The following ACVR2A variants were observed in gnomAD, a reference collection of about 807,000 sequenced individuals.
The protein encoded by ACVR2A is activin receptor type-2A.
Under a neutral mutation model 61.4 loss-of-function variants are expected in ACVR2A, and 7 were observed. The ratio of observed to expected loss-of-function variants is 0.11; its 90% CI spans 0.06 to 0.21. The LOEUF (loss-of-function observed/expected upper bound fraction) is 0.21. Among genes scored for constraint, ACVR2A ranks in the 10% least tolerant of loss-of-function variants. ACVR2A has a pLI of 1.00. For missense variants in ACVR2A, 322 were observed against 621.7 expected, an observed-to-expected ratio of 0.52 and a Z score of 5.13; for synonymous variants, 193 against 208.3, an observed-to-expected ratio of 0.93 and a Z score of 0.63.
intron 9 of ACVR2A, 96 bp downstream of exon 9, chr2:147,923,207 T>G (rs1050288616): frequency 4.6e-6 from 6 of 1,299,832 alleles, no homozygotes; most frequent in Admixed American, 5.2e-5. Flanking sequence ...TAAAGTACAG[T>G]TTTTTTTTAA....
intron 5 of ACVR2A, among the ~76,000 whole-genome samples, chr2:147,916,510 G>A (rs1263691003): frequency 6.6e-6 from 1 of 151,818 alleles, no homozygotes; most frequent in East Asian, 1.9e-4. Context: ...AATTCTATAA[G>A]ACAGACACTA....
At chr2:147,913,787 T>C (rs1687178733) in intron 4 of ACVR2A, among the ~76,000 whole-genome samples, 1 of 125,098 alleles carries the variant, frequency 8.0e-6, no homozygotes, top group Non-Finnish European at 1.6e-5. Flanking sequence ...CGTTCTTTCA[T>C]GTTTTGAATG....
intron 2 of ACVR2A, among the ~76,000 whole-genome samples, chr2:147,898,665 A>G (rs187811380): frequency 1.5e-3 from 221 of 152,130 alleles, no homozygotes; most frequent in Non-Finnish European, 6.0e-4. Context: ...ATTTTTTTTA[A>G]TAGTTTTAGC....
At chr2:147,893,027 AT>A (rs1686628736) in intron 1 of ACVR2A, among the ~76,000 whole-genome samples, 1 of 152,006 alleles carries the variant, frequency 6.6e-6, no homozygotes, top group African/African-American at 2.4e-5. Context: ...TGGTGTTCCT[AT>A]TTCCTTCATC....
intron 4 of ACVR2A, among the ~76,000 whole-genome samples, chr2:147,914,102 G>A (rs934183541): frequency 6.6e-6 from 1 of 151,990 alleles, no homozygotes; most frequent in African/African-American, 2.4e-5. Context: ...GGCATTAGAA[G>A]AAGAGAGAAA....
chr2:147,881,438 A>C (rs1428058517), intron 1 of ACVR2A, among the ~76,000 whole-genome samples: 2 of 151,856 alleles, frequency 1.3e-5, no homozygotes, highest in Non-Finnish European at 2.9e-5. Flanking sequence ...TTCATATTGT[A>C]ATTTTTCTGC....
At chr2:147,854,361 AAACTTTTT>A (rs1685518735) in intron 1 of ACVR2A, among the ~76,000 whole-genome samples, 1 of 152,212 alleles carries the variant, frequency 6.6e-6, no homozygotes, top group Non-Finnish European at 1.5e-5. Flanking sequence ...AACTTCTCTT[AAACTTTTT>A]AAGTGTTTTA....
chr2:147,912,693 A>T (rs1230264834), intron 4 of ACVR2A, among the ~76,000 whole-genome samples: 1 of 151,888 alleles, frequency 6.6e-6, no homozygotes, highest in Non-Finnish European at 1.5e-5. Flanking sequence ...CATTCTAGTA[A>T]TTTTTTATTT....
intron 1 of ACVR2A, among the ~76,000 whole-genome samples, chr2:147,871,047 G>T (rs1354299630): frequency 2.0e-5 from 3 of 151,966 alleles, no homozygotes; most frequent in African/African-American, 7.3e-5. Flanking sequence ...TTCCCCAAGG[G>T]CAGAAAAAGA....
In ACVR2A at chr2:147,927,098, G is replaced by A; in HGVS notation, c.1366G>A (p.Glu456Lys). ...CTTTTAGGGAATGGCAATGCTCTGTGAAACCATTGAAGAATGTTGGGATCA... is the reference window on the plus strand; with the variant it reads ...CTTTTAGGGAATGGCAATGCTCTGTAAAACCATTGAAGAATGTTGGGATCA... ...QKHAGMAMLC[E>K]TIEECWDHDA... The change falls in exon 11 of 11, where the codon GAA becomes AAA. Residue 456 changes from glutamate to lysine, a missense_variant. Physicochemically the swap from Glu to Lys is moderately conservative, Grantham distance 56. Transcript: ENST00000241416. 6.2e-7 allele frequency: 1 copy of A among 1,611,738 alleles called. No individual in the cohort carries two copies. The highest frequency in any genetic ancestry group is 8.5e-7 in the Non-Finnish European group (1 of 1,178,562).
chr2:147,916,002 G>A (rs943915956), intron 5 of ACVR2A, among the ~76,000 whole-genome samples: 6 of 151,732 alleles, frequency 4.0e-5, no homozygotes, highest in African/African-American at 7.3e-5. Context: ...GATACCCTTG[G>A]TACTGACGTC....
At chr2:147,920,799 C>G (rs1433002946) in intron 8 of ACVR2A, among the ~76,000 whole-genome samples, 1 of 152,066 alleles carries the variant, frequency 6.6e-6, no homozygotes, top group African/African-American at 2.4e-5. Context: ...TCATTAATTT[C>G]TTTAATCAAC....
intron 1 of ACVR2A, among the ~76,000 whole-genome samples, chr2:147,865,480 T>C (rs537365609): frequency 8.5e-5 from 13 of 152,352 alleles, no homozygotes; most frequent in African/African-American, 2.6e-4. Context: ...AGTTCTCTTG[T>C]CCTGTTACAC....
intron 1 of ACVR2A, among the ~76,000 whole-genome samples, chr2:147,860,718 A>G (rs528286160): frequency 2.6e-5 from 4 of 152,332 alleles, no homozygotes; most frequent in Non-Finnish European, 4.4e-5. Flanking sequence ...GGTTAATTGA[A>G]CAGAAAGATG....
intron 1 of ACVR2A, among the ~76,000 whole-genome samples, chr2:147,891,419 T>C (rs1199980191): frequency 6.6e-6 from 1 of 152,034 alleles, no homozygotes; most frequent in East Asian, 1.9e-4. Flanking sequence ...CTATTGGGAT[T>C]AGGATGTTGT....
chr2:147,854,536 C>T (rs902729149), intron 1 of ACVR2A, among the ~76,000 whole-genome samples: 1 of 152,168 alleles, frequency 6.6e-6, no homozygotes, highest in African/African-American at 2.4e-5. Context: ...ACTTAAGAGT[C>T]TGTCATTCAA....
At chr2:147,851,290 A>G (rs1163507716) in intron 1 of ACVR2A, among the ~76,000 whole-genome samples, 2 of 152,070 alleles carry the variant, frequency 1.3e-5, no homozygotes, top group East Asian at 3.9e-4. Flanking sequence ...GGTTAAGAGT[A>G]TAGACTCTGG....
rs1687004666 is a variant in ACVR2A at position 147,907,063 on chromosome 2, TC to T, written c.528+7168del. ...TGTCCATGTGTTCTCATTGTTCTAC[TC>T]CCACTTATGAGTGAGAACATGTGGT... On this transcript the variant is annotated intron_variant, in intron 4 of 10. Coordinates refer to ENST00000241416, the MANE Select transcript of ACVR2A (RefSeq NM_001616.5). Among the ~76,000 whole-genome samples the T allele has an allele frequency of 2.6e-5, 4 of 152,138 alleles. No individual in the cohort carries two copies. The South Asian group carries it at 8.3e-4, about 31-fold the overall frequency.
intron 4 of ACVR2A, among the ~76,000 whole-genome samples, chr2:147,905,853 G>A (rs1234381161): frequency 6.6e-6 from 1 of 152,060 alleles, no homozygotes; most frequent in Non-Finnish European, 1.5e-5. Flanking sequence ...CAAAAAGGGA[G>A]GAAGGGGAGA....
Sources: allele counts gnomAD v4.1 joint callset (sites outside exome capture counted in the v4.1 genomes callset), GRCh38; gene constraint gnomAD v4.1.1; transcripts MANE v1.5; gene names NCBI Gene and HGNC (gene_info 2026-07-23, HGNC 2026-07-21).